TBC1D2B: variants seen among roughly 807,000 people sequenced by gnomAD.
TBC1D2B encodes TBC1 domain family member 2B, also known as TBC1 domain family, member 2B.
TBC1D2B carries 64 observed loss-of-function variants against 100.8 expected under a neutral mutation model. The observed-to-expected ratio is 0.64, with a 90% CI of 0.52 to 0.78. The LOEUF (loss-of-function observed/expected upper bound fraction) is 0.78. TBC1D2B is among the 30% of genes least tolerant of loss of function. TBC1D2B has a pLI of 0.00. For missense variants in TBC1D2B, 1,052 were observed against 1,218.4 expected, an observed-to-expected ratio of 0.86 and a Z score of 2.03; for synonymous variants, 480 against 479.7, an observed-to-expected ratio of 1.00 and a Z score of -0.01.
chr15:78,013,819 T>C (rs1324853590), intron 8 of TBC1D2B, among the ~76,000 whole-genome samples: 1 of 152,220 alleles, frequency 6.6e-6, no homozygotes, highest in East Asian at 1.9e-4. Context: ...TTACATTACA[T>C]GGCAATAGGA....
chr15:78,002,948 C>T (rs886372051), intron 11 of TBC1D2B: 16 of 193,322 alleles, frequency 8.3e-5, no homozygotes, highest in Admixed American at 4.7e-4. Flanking sequence ...TAGTCCCCCT[C>T]ATTAGCCCCC....
chr15:78,072,330 T>C (rs1488803990), intron 1 of TBC1D2B, among the ~76,000 whole-genome samples: 1 of 152,210 alleles, frequency 6.6e-6, no homozygotes, highest in African/African-American at 2.4e-5. Flanking sequence ...AGCACAATAC[T>C]GGACTTGCCT....
In TBC1D2B at chr15:78,054,180, T is replaced by C. The variant is rs368939236; in HGVS notation, c.368A>G (p.Asn123Ser). The change falls in exon 2 of 13, where the codon AAT (asparagine) becomes AGT (serine). Residue 123 changes from asparagine (N) to serine (S), a missense_variant. Around this residue, in one of 4 missense-constraint regions of TBC1D2B, gnomAD observed 627 missense variants for 646.1 expected, o/e 0.97. Transcript: ENST00000300584. ...AGAVTVLKAP[N>S]RQLMTYWLQE... ...TAACCAGTAAGTCATGAGTTGACGA[T>C]TGGGAGCCTAGAAAGAGGGAGGGGA... The C allele has an allele frequency of 2.2e-5, 35 of 1,609,698 alleles. No homozygotes were observed. Among genetic ancestry groups the C allele is most frequent in the South Asian group, 7.8e-5 (7 of 90,046 alleles).
At chr15:78,039,209 T>C (rs1474034361) in intron 3 of TBC1D2B, among the ~76,000 whole-genome samples, 1 of 152,186 alleles carries the variant, frequency 6.6e-6, no homozygotes, top group Non-Finnish European at 1.5e-5. Context: ...AGTACCACAT[T>C]ACGGCTCCGG....
At chr15:78,030,290 C>G in intron 3 of TBC1D2B, 120 bp from the exon 4 acceptor site, 1 of 850,294 alleles carries the variant, frequency 1.2e-6, no homozygotes, top group Non-Finnish European at 1.7e-6. Context: ...GGTGAGGATA[C>G]GGAGAAATGG....
intron 1 of TBC1D2B, among the ~76,000 whole-genome samples, chr15:78,063,763 T>C (rs900440510): frequency 6.6e-6 from 1 of 152,164 alleles, no homozygotes; most frequent in African/African-American, 2.4e-5. Context: ...CAGTCTGATA[T>C]AATAGAATCG....
intron 3 of TBC1D2B, among the ~76,000 whole-genome samples, chr15:78,031,447 G>C (rs781696156): frequency 6.7e-6 from 1 of 150,114 alleles, no homozygotes; most frequent in African/African-American, 2.4e-5. Flanking sequence ...CCAGCTACTC[G>C]GGAGGCTGAG....
chr15:78,035,613 G>C (rs573329537), intron 3 of TBC1D2B, among the ~76,000 whole-genome samples: 4 of 152,266 alleles, frequency 2.6e-5, no homozygotes, highest in South Asian at 2.1e-4. Flanking sequence ...GAGGTTGTGT[G>C]GGGGGGTTTC....
intron 11 of TBC1D2B, chr15:78,001,978 C>T: frequency 2.9e-6 from 1 of 349,476 alleles, no homozygotes; most frequent in Non-Finnish European, 5.2e-6. Context: ...AACCAAAAAT[C>T]TCCTTATAGG....
At position 78,014,805 on chromosome 15, in the gene TBC1D2B, A is replaced by G. The variant is rs528891540; in HGVS notation, c.1776-1488T>C. The stretch of plus-strand genomic sequence containing the variant: ...TGTTGAAGGAAATAAGTTCAAAATG[A>G]TATGTATCTGGGATTAGTATGTAAA... On this transcript the variant is annotated intron_variant, in intron 8 of 12. Coordinates refer to ENST00000300584, the MANE Select transcript of TBC1D2B (RefSeq NM_144572.2). 2.1e-3 allele frequency among the ~76,000 whole-genome samples: 314 copies of G among 152,346 alleles called. 1 individual carries two copies. Among genetic ancestry groups the G allele is most frequent in the African/African-American group, 7.0e-3 (293 of 41,574 alleles).
In TBC1D2B at chr15:78,024,252, G is replaced by C; in HGVS notation, c.1374C>G (p.Ser458Arg). 1 of 1,613,908 alleles carries C rather than the reference G, an allele frequency of 6.2e-7. No individual in the cohort carries two copies. The highest frequency in any genetic ancestry group is 8.5e-7 in the Non-Finnish European group (1 of 1,179,890). ...GAGGAGGCCCGTTGCCCTCGCCCTC[G>C]CTGAGCTTGATGATGACCTCGTCCT... ...QAKDEVIIKLSEGEGNGPPPT... is the reference protein window; with the variant it reads ...QAKDEVIIKLREGEGNGPPPT... The change falls in exon 6 of 13, where the codon AGC becomes AGG. Residue 458 changes from serine to arginine, a missense_variant. Ser to Arg is a moderately radical substitution (Grantham distance 110). Coordinates refer to ENST00000300584, the MANE Select transcript of TBC1D2B (RefSeq NM_144572.2).
intron 3 of TBC1D2B, among the ~76,000 whole-genome samples, chr15:78,043,795 G>C (rs2073137692): frequency 1.3e-5 from 2 of 152,092 alleles, no homozygotes; most frequent in African/African-American, 2.4e-5. Context: ...GGGAGGCCAA[G>C]GTAGGATTGC....
At chr15:78,062,921 T>C (rs1225326940) in intron 1 of TBC1D2B, among the ~76,000 whole-genome samples, 1 of 152,202 alleles carries the variant, frequency 6.6e-6, no homozygotes, top group Non-Finnish European at 1.5e-5. Context: ...ATCCCAGCTC[T>C]GCTACTGGCT....
chr15:78,008,984 T>C lies in TBC1D2B; in HGVS notation c.2388+13A>G, dbSNP rs2072148948. 1 of 1,549,630 alleles carries C rather than the reference T, an allele frequency of 6.5e-7. No individual in the cohort carries two copies. Among genetic ancestry groups the C allele is most frequent in the South Asian group, 1.2e-5 (1 of 84,760 alleles). On this transcript the variant is annotated intron_variant, in intron 10 of 12. Coordinates refer to ENST00000300584, the MANE Select transcript of TBC1D2B (RefSeq NM_144572.2). ...TAAAAGTGGTGACTAAAACACAGAATTTTCAGAACTACCTGGGATCCTAAA... is the reference window on the plus strand; with the variant it reads ...TAAAAGTGGTGACTAAAACACAGAACTTTCAGAACTACCTGGGATCCTAAA...
Position 77,997,892 on chromosome 15 carries a change from T to G in TBC1D2B, c.*268A>C. 1 of 324,876 alleles carries G rather than the reference T, an allele frequency of 3.1e-6. No individual in the cohort carries two copies. 20.1% of individuals were successfully genotyped at this position (324,876 alleles called of 1,614,324 possible). ...GAAACAGGCTCTTGCAAATAGCCAC[T>G]GGTAAGCCTGAGGATCCACCAACCA... On this transcript the variant is annotated 3_prime_UTR_variant, in exon 13 of 13. Coordinates refer to ENST00000300584, the MANE Select transcript of TBC1D2B (RefSeq NM_144572.2).
chr15:78,045,299 C>T (rs2073172969), intron 2 of TBC1D2B, among the ~76,000 whole-genome samples: 1 of 152,170 alleles, frequency 6.6e-6, no homozygotes, highest in African/African-American at 2.4e-5. Flanking sequence ...TGCCTCAAAC[C>T]ACCAAGTATT....
At chr15:78,001,812 G>GCCAGCACCCCCCTGGA in intron 11 of TBC1D2B, 72 bp from the exon 12 acceptor site, 1 of 1,516,564 alleles carries the variant, frequency 6.6e-7, no homozygotes, top group South Asian at 1.3e-5. Flanking sequence ...GACTCCAGGG[G>GCCAGCACCCCCCTGGA]GGTGCTGGCC....
Position 78,077,012 on chromosome 15 carries a change from G to A in TBC1D2B, c.360+281C>T, listed in dbSNP as rs371795271. On this transcript the variant is annotated intron_variant, in intron 1 of 12. Transcript: ENST00000300584. ...ATCCACGGGATGGTGGGGGTCGGGAGACACCAGAGACTGGCCCGAGGTTAG... is the reference window on the plus strand; with the variant it reads ...ATCCACGGGATGGTGGGGGTCGGGAAACACCAGAGACTGGCCCGAGGTTAG... Among the ~76,000 whole-genome samples, 6 of 152,350 alleles carry A rather than the reference G, an allele frequency of 3.9e-5. No individual in the cohort carries two copies. The East Asian group carries it at 1.2e-3, about 29-fold the overall frequency.
chr15:78,023,310 A>G (rs1173306704), intron 6 of TBC1D2B, among the ~76,000 whole-genome samples: 1 of 152,182 alleles, frequency 6.6e-6, no homozygotes. Context: ...GGGGTCAAAC[A>G]GGCTATACTT....
Sources: allele counts gnomAD v4.1 joint callset (sites outside exome capture counted in the v4.1 genomes callset), GRCh38; gene constraint gnomAD v4.1.1; regional missense constraint gnomAD v4.1.1; transcripts MANE v1.5; gene names NCBI Gene and HGNC (gene_info 2026-07-23, HGNC 2026-07-21).